HTD2: variants seen among roughly 807,000 people sequenced by gnomAD.
HTD2 encodes hydroxyacyl-thioester dehydratase type 2.
Under a neutral mutation model 3.1 loss-of-function variants are expected in HTD2, and 1 was observed. That is an observed-to-expected ratio of 0.32 (90% CI 0.11 to 1.52). The LOEUF (loss-of-function observed/expected upper bound fraction) is 1.52, where lower values mean the gene tolerates loss of function less well. HTD2 is among the 40% of genes most tolerant of loss of function. The probability of loss-of-function intolerance (pLI) is 0.39; values close to 1 mark genes in which losing one functional copy is unlikely to be tolerated. For missense variants in HTD2, 150 were observed against 79.6 expected (o/e 1.88, Z -3.36); for synonymous variants, 50 against 28.9 (o/e 1.73, Z -2.34).
At position 58,316,548 on chromosome 3, in the gene HTD2, T is replaced by C; in HGVS notation, c.-297T>C. 1 of 1,614,098 alleles carries C rather than the reference T, an allele frequency of 6.2e-7. No homozygotes were observed. The highest frequency in any genetic ancestry group is 8.5e-7 in the Non-Finnish European group (1 of 1,179,978). On this transcript the variant is annotated 5_prime_UTR_variant, in exon 3 of 5. Transcript: ENST00000461393. ...CGCCTTACCTTTGGACATCCTAACC[T>C]ATGAAGAGAAGACCTTGTCAGCCAT...
At chr3:58,313,116 G>A (rs71311852) in intron 2 of HTD2, among the ~76,000 whole-genome samples, 10,562 of 151,920 alleles carry the variant, frequency 0.07, 474 homozygotes, top group Middle Eastern at 0.088. Context: ...ACAAAAAGCC[G>A]GGCGCAGCGG....
intron 1 of HTD2, chr3:58,310,269 A>T: frequency 6.9e-7 from 1 of 1,454,862 alleles, no homozygotes; most frequent in Non-Finnish European, 9.6e-7. Context: ...GAAAAATAGC[A>T]TGTGCATTGG....
chr3:58,313,242 G>T (rs1308466560), intron 2 of HTD2, among the ~76,000 whole-genome samples: 2 of 152,298 alleles, frequency 1.3e-5, no homozygotes, highest in East Asian at 3.9e-4. Context: ...CTGGGCGACA[G>T]AGCGAGACTC....
chr3:58,316,047 T>C (rs933152753), intron 2 of HTD2, among the ~76,000 whole-genome samples: 1 of 151,986 alleles, frequency 6.6e-6, no homozygotes, highest in Admixed American at 6.6e-5. Flanking sequence ...TAAAAAAAAA[T>C]ATCCCTGTGT....
At position 58,317,939 on chromosome 3, in the gene HTD2, C is replaced by T. The variant is rs1404157535; in HGVS notation, c.326C>T (p.Ser109Phe). ...CCAGGGCCAGGCTGTGTATTTCTTTCCCAGGAAATTAGCTTTCCAGCCCCT... is the reference window on the plus strand; with the variant it reads ...CCAGGGCCAGGCTGTGTATTTCTTTTCCAGGAAATTAGCTTTCCAGCCCCT... ...KMPGPGCVFL[S>F]QEISFPAPLY... Residue 109 changes from serine (S) to phenylalanine (F), a missense_variant, in exon 5 of 5, where the codon TCC becomes TTC. Ser to Phe is a radical substitution (Grantham distance 155). Transcript: ENST00000461393. The T allele has an allele frequency of 1.4e-6, 1 of 702,776 alleles. No individual in the cohort carries two copies. The highest frequency in any genetic ancestry group is 1.5e-5 in the South Asian group (1 of 67,560). The allele number at this position is 702,776 out of a possible 1,614,324, so 43.5% of individuals were successfully genotyped here.
intron 1 of HTD2, 41 bp from the exon 2 acceptor site, chr3:58,310,466 A>T: frequency 6.3e-7 from 1 of 1,595,936 alleles, no homozygotes; most frequent in Non-Finnish European, 8.5e-7. Context: ...TCTGAATAGA[A>T]TGAAATTTAA....
In HTD2 at chr3:58,319,782, C is replaced by CTTTTGTTTCCCATTTTT. The variant is rs1269262721; in HGVS notation, c.*1674_*1690dup. The CTTTTGTTTCCCATTTTT allele has an allele frequency of 1.3e-5, 2 of 152,026 alleles. No individual in the cohort carries two copies. The highest frequency in any genetic ancestry group is 2.9e-5 in the Non-Finnish European group (2 of 68,008). The allele number at this position is 152,026 out of a possible 1,614,324, so 9.4% of individuals were successfully genotyped here. Reference sequence around the variant, plus strand: ...AATGGCCATCCCAACACAGCCAACACTTTTGTTTCCCATTTTTTTTTGTTT... The same window carrying CTTTTGTTTCCCATTTTT: ...AATGGCCATCCCAACACAGCCAACACTTTTGTTTCCCATTTTTTTTTGTTTCCCATTTTTTTTTGTTT... On this transcript the variant is annotated 3_prime_UTR_variant, in exon 5 of 5. Coordinates refer to ENST00000461393, the MANE Select transcript of HTD2 (RefSeq NM_001348712.2).
At position 58,310,713 on chromosome 3, in the gene HTD2, T is replaced by C; in HGVS notation, c.-331+122T>C. The C allele has an allele frequency of 4.1e-6, 3 of 734,232 alleles. No individual in the cohort carries two copies. In the East Asian group the frequency reaches 7.9e-5, roughly 19 times the overall value. The allele number at this position is 734,232 out of a possible 1,614,324, so 45.5% of individuals were successfully genotyped here. On this transcript the variant is annotated intron_variant, in intron 2 of 4. Transcript: ENST00000461393. ...TTTGGAGGCCGAGGTGGGCAGATCA[T>C]GAGGTCAAGAGATCGAGACCATCCT...
chr3:58,319,055 CAA>C lies in HTD2; in HGVS notation c.*937_*938del. The C allele has an allele frequency of 6.6e-6, 1 of 151,814 alleles. No homozygotes were observed. The highest frequency in any genetic ancestry group is 1.9e-4 in the East Asian group (1 of 5,162). 9.4% of individuals were successfully genotyped at this position (151,814 alleles called of 1,614,324 possible). The stretch of plus-strand genomic sequence containing the variant: ...CCTAGATAGATTTGCATTTGGATAA[CAA>C]ATCCCTACCTATAGCCATGTGGAAG... On this transcript the variant is annotated 3_prime_UTR_variant, in exon 5 of 5. Transcript: ENST00000461393.
intron 1 of HTD2, among the ~76,000 whole-genome samples, chr3:58,307,121 A>G (rs1191564997): frequency 6.6e-6 from 1 of 152,168 alleles, no homozygotes; most frequent in East Asian, 1.9e-4. Flanking sequence ...GGCGCGTGAG[A>G]AAGAGCTAGG....
At chr3:58,313,034 C>T (rs564297525) in intron 2 of HTD2, among the ~76,000 whole-genome samples, 124 of 149,392 alleles carry the variant, frequency 8.3e-4, no homozygotes, top group Middle Eastern at 3.6e-3. Context: ...GAGGCCAAGG[C>T]AGGCAGATCC....
rs2107510362 is a variant in HTD2, at chr3:58,317,480, A to T, written c.-134A>T. On this transcript the variant is annotated 5_prime_UTR_variant, in exon 5 of 5. Transcript: ENST00000461393. ...CTTGCATTATCTGGTAATAGTAGGG[A>T]ACTAGTATTGGATTGAATGAATAGT... The T allele has an allele frequency of 1.3e-6, 2 of 1,593,578 alleles. No homozygotes were observed. The highest frequency in any genetic ancestry group is 1.7e-6 in the Non-Finnish European group (2 of 1,162,816).
At position 58,316,983 on chromosome 3, in the gene HTD2, G is replaced by T; in HGVS notation, c.-185G>T. 6 of 1,612,870 alleles carry T rather than the reference G, an allele frequency of 3.7e-6. No homozygotes were observed. Among genetic ancestry groups the T allele is most frequent in the Non-Finnish European group, 5.1e-6 (6 of 1,178,994 alleles). ...TATAAAGGCAAAAAATGTGCTTTCC[G>T]GGTGATTCAGGTAAAGACTATTCCC... On this transcript the variant is annotated 5_prime_UTR_variant, in exon 4 of 5. Coordinates refer to ENST00000461393, the MANE Select transcript of HTD2 (RefSeq NM_001348712.2).
At chr3:58,316,357 G>A in intron 2 of HTD2, 158 bp from the exon 3 acceptor site, 1 of 629,042 alleles carries the variant, frequency 1.6e-6, no homozygotes, top group South Asian at 1.8e-5. Context: ...ATTCTAGGCA[G>A]GGGGAGCTGT....
At chr3:58,310,483 T>C (rs755182348) in intron 1 of HTD2, 24 bp from the exon 2 acceptor site, 2 of 312,856 alleles carry the variant, frequency 6.4e-6, no homozygotes, top group Non-Finnish European at 8.5e-6. Context: ...TTAATATGAC[T>C]TTTTTTTTTT....
intron 2 of HTD2, among the ~76,000 whole-genome samples, chr3:58,311,106 A>G (rs574160286): frequency 4.0e-5 from 6 of 151,578 alleles, no homozygotes; most frequent in South Asian, 4.2e-4. Flanking sequence ...ATAATCACCA[A>G]TCTACTTTCT....
intron 2 of HTD2, among the ~76,000 whole-genome samples, chr3:58,312,343 C>CCCCT (rs1553724610): frequency 1.6e-5 from 2 of 128,238 alleles, no homozygotes; most frequent in Admixed American, 7.9e-5. Flanking sequence ...CACCCCCCCC[C>CCCCT]GCCCCTCCCG....
In HTD2 at chr3:58,318,339, T is replaced by C. The variant is rs1559797023; in HGVS notation, c.*219T>C. On this transcript the variant is annotated 3_prime_UTR_variant, in exon 5 of 5. Transcript: ENST00000461393. ...TGCAGGATTTCATTATCTGCCTGGG[T>C]TTTTTGTTTGTTTTTTGTTTTTTAA... 2.3e-6 allele frequency: 1 copy of C among 427,264 alleles called. No homozygotes were observed. The highest frequency in any genetic ancestry group is 4.1e-6 in the Non-Finnish European group (1 of 242,868). The allele number at this position is 427,264 out of a possible 1,614,324, so 26.5% of individuals were successfully genotyped here.
intron 2 of HTD2, among the ~76,000 whole-genome samples, chr3:58,313,086 A>G (rs2107504839): frequency 6.6e-6 from 1 of 151,700 alleles, no homozygotes; most frequent in East Asian, 1.9e-4. Context: ...ACACGGTGAA[A>G]CCCTGTCTCT....
Sources: gnomAD v4.1 joint callset for allele counts (sites outside exome capture counted in the v4.1 genomes callset) on GRCh38, gnomAD v4.1.1 for gene constraint, MANE v1.5 for transcripts, NCBI Gene and HGNC (gene_info 2026-07-23, HGNC 2026-07-21) for gene names.